Variants in ZNF365 observed in about 807,000 individuals in gnomAD.
ZNF365 encodes protein ZNF365.
In ZNF365, 22 loss-of-function variants were observed where a neutral mutation model predicts 35.0. The observed-to-expected ratio is 0.63, with a 90% confidence interval of 0.45 to 0.90. ZNF365 has a LOEUF of 0.90. Ranked by LOEUF, ZNF365 falls within the 40% of genes least tolerant of loss-of-function variation. The probability of loss-of-function intolerance (pLI) is 0.00; values close to 1 mark genes in which losing one functional copy is unlikely to be tolerated. For missense variants in ZNF365, 448 were observed against 500.3 expected (o/e 0.90, Z 1.00); for synonymous variants, 188 against 196.2 (o/e 0.96, Z 0.35).
intron 3 of ZNF365, among the ~76,000 whole-genome samples, chr10:62,408,357 G>A (rs1839935361): frequency 6.6e-6 from 1 of 152,134 alleles, no homozygotes; most frequent in Non-Finnish European, 1.5e-5. Flanking sequence ...CTGAATGGTG[G>A]TAAAGAACTG....
rs749571632 is a variant in ZNF365 at position 62,402,226 on chromosome 10, G to C, written c.*2437G>C. The C allele has an allele frequency of 1.1e-4, 105 of 985,718 alleles. No individual in the cohort carries two copies. The highest frequency in any genetic ancestry group is 1.3e-4 in the Non-Finnish European group (104 of 829,882). 61.1% of individuals were successfully genotyped at this position (985,718 alleles called of 1,614,324 possible). A position where few individuals can be genotyped will look rare whatever the true frequency, so the allele number is the denominator to read the frequency against. ...ATGGAGAGTAGATTTAATTTTATTTGTCTTGTAGGGAAGAAATCTTCCTTT... is the reference window on the plus strand; with the variant it reads ...ATGGAGAGTAGATTTAATTTTATTTCTCTTGTAGGGAAGAAATCTTCCTTT... On this transcript the variant is annotated 3_prime_UTR_variant, in exon 5 of 5. Transcript: ENST00000395254.
At chr10:62,469,397 A>G (rs1019385117) in intron 4 of ZNF365, among the ~76,000 whole-genome samples, 3 of 152,156 alleles carry the variant, frequency 2.0e-5, no homozygotes, top group Non-Finnish European at 4.4e-5. Context: ...AAAAATCTGT[A>G]AAGGGCACCC....
At chr10:62,379,068 G>A (rs4523583) in intron 2 of ZNF365, among the ~76,000 whole-genome samples, 46,356 of 149,450 alleles carry the variant, frequency 0.31, 7,470 homozygotes, top group Middle Eastern at 0.39. Context: ...TGTCACCCAG[G>A]CTGGAGTGCA....
chr10:62,377,434 T>G (rs1342134949), intron 2 of ZNF365, among the ~76,000 whole-genome samples: 2 of 152,206 alleles, frequency 1.3e-5, no homozygotes, highest in Non-Finnish European at 2.9e-5. Flanking sequence ...TAATTAAATG[T>G]TAGTAGCTGA....
At chr10:62,442,077 A>C (rs1840510513) in intron 3 of ZNF365, among the ~76,000 whole-genome samples, 1 of 152,232 alleles carries the variant, frequency 6.6e-6, no homozygotes, top group Middle Eastern at 3.2e-3. Context: ...CATGTCTTAC[A>C]CTGCTATAAG....
chr10:62,399,404 G>T, intron 4 of ZNF365, 124 bp from the exon 5 acceptor site: 1 of 1,397,298 alleles, frequency 7.2e-7, no homozygotes, highest in Non-Finnish European at 9.6e-7. Context: ...TGCCTTTGTG[G>T]TAGCATTATC....
At chr10:62,420,477 A>G (rs191346750) in intron 3 of ZNF365, among the ~76,000 whole-genome samples, 15 of 152,330 alleles carry the variant, frequency 9.8e-5, no homozygotes, top group African/African-American at 3.6e-4. Flanking sequence ...AATTGCATGT[A>G]GGATTTTCTC....
chr10:62,439,402 T>C (rs968754664), intron 3 of ZNF365, among the ~76,000 whole-genome samples: 7 of 147,320 alleles, frequency 4.8e-5, no homozygotes, highest in East Asian at 2.0e-4. Flanking sequence ...AAAAAAAAAA[T>C]GTTGACTCAC....
At chr10:62,418,331 T>C (rs1467954847) in intron 3 of ZNF365, among the ~76,000 whole-genome samples, 1 of 152,036 alleles carries the variant, frequency 6.6e-6, no homozygotes, top group African/African-American at 2.4e-5. Flanking sequence ...TATTTACCCT[T>C]CTAATGGATA....
intron 4 of ZNF365, among the ~76,000 whole-genome samples, chr10:62,465,131 T>C (rs1840917445): frequency 6.6e-6 from 1 of 152,224 alleles, no homozygotes; most frequent in African/African-American, 2.4e-5. Context: ...TCCTGTTCCC[T>C]GGCCTTGTCC....
intron 2 of ZNF365, among the ~76,000 whole-genome samples, chr10:62,383,367 G>A (rs1367908118): frequency 6.6e-6 from 1 of 152,154 alleles, no homozygotes; most frequent in African/African-American, 2.4e-5. Context: ...GTACACCTGG[G>A]CATGTGTCTG....
intron 3 of ZNF365, among the ~76,000 whole-genome samples, chr10:62,450,349 A>G (rs1007919018): frequency 2.0e-5 from 3 of 152,198 alleles, no homozygotes; most frequent in African/African-American, 7.2e-5. Flanking sequence ...TATTGTCCCA[A>G]ATTTAAAGAT....
intron 4 of ZNF365, among the ~76,000 whole-genome samples, chr10:62,464,441 T>C (rs375036793): frequency 1.1e-4 from 17 of 152,344 alleles, no homozygotes; most frequent in African/African-American, 4.1e-4. Flanking sequence ...GAGTGTTTCT[T>C]TTGCTTACTG....
Position 62,401,674 on chromosome 10 carries a change from T to C in ZNF365, c.*1885T>C, listed in dbSNP as rs1839831858. ...CTTATACCATGATTGCACCTTAGCC[T>C]TTTACATACTAAAAACATGACTTGT... On this transcript the variant is annotated 3_prime_UTR_variant, in exon 5 of 5. Coordinates refer to ENST00000395254, the MANE Select transcript of ZNF365 (RefSeq NM_014951.3). 1.0e-6 allele frequency: 1 copy of C among 985,464 alleles called. No homozygotes were observed. The highest frequency in any genetic ancestry group is 1.7e-5 in the African/African-American group (1 of 57,242). The allele number at this position is 985,464 out of a possible 1,614,324, so 61.0% of individuals were successfully genotyped here. A position where few individuals can be genotyped will look rare whatever the true frequency, so the allele number is the denominator to read the frequency against.
chr10:62,409,410 C>G (rs1839952545), intron 3 of ZNF365, among the ~76,000 whole-genome samples: 1 of 152,152 alleles, frequency 6.6e-6, no homozygotes, highest in Non-Finnish European at 1.5e-5. Flanking sequence ...TTAATAAACT[C>G]TTTTCTAACG....
At chr10:62,464,464 C>A (rs375223417) in intron 4 of ZNF365, among the ~76,000 whole-genome samples, 1 of 152,196 alleles carries the variant, frequency 6.6e-6, no homozygotes, top group Non-Finnish European at 1.5e-5. Flanking sequence ...GTATCCCAAG[C>A]GCCTTGTACA....
At chr10:62,390,918 G>T (rs1004214577) in intron 3 of ZNF365, among the ~76,000 whole-genome samples, 1 of 152,196 alleles carries the variant, frequency 6.6e-6, no homozygotes, top group Admixed American at 6.5e-5. Context: ...TAGTATAGCT[G>T]TATAGGGCAT....
At chr10:62,436,360 G>T (rs547882288) in intron 3 of ZNF365, among the ~76,000 whole-genome samples, 2 of 151,534 alleles carry the variant, frequency 1.3e-5, no homozygotes, top group African/African-American at 4.8e-5. Context: ...ATTATTTTGG[G>T]GAAGTTAAAA....
chr10:62,410,221 C>T (rs185838312), intron 3 of ZNF365, among the ~76,000 whole-genome samples: 2 of 152,164 alleles, frequency 1.3e-5, no homozygotes, highest in East Asian at 3.9e-4. Flanking sequence ...GTTCAAAGAA[C>T]CAATAAATTG....
Sources: gnomAD v4.1 joint callset for allele counts (sites outside exome capture counted in the v4.1 genomes callset) on GRCh38, gnomAD v4.1.1 for gene constraint, MANE v1.5 for transcripts, NCBI Gene and HGNC (gene_info 2026-07-23, HGNC 2026-07-21) for gene names.